The following ADCK5 variants were observed in gnomAD, a reference collection of about 807,000 sequenced individuals.
The protein encoded by ADCK5 is aarF domain containing kinase 5.
Under a neutral mutation model 64.9 loss-of-function variants are expected in ADCK5, and 43 were observed. The ratio of observed to expected loss-of-function variants is 0.66; its 90% CI spans 0.52 to 0.85. The LOEUF (loss-of-function observed/expected upper bound fraction) is 0.85, where lower values mean the gene tolerates loss of function less well. ADCK5 is among the 40% of genes least tolerant of loss of function. ADCK5 has a pLI of 0.00. For missense variants in ADCK5, 760 were observed against 810.5 expected (o/e 0.94, Z 0.76); for synonymous variants, 434 against 342.8 (o/e 1.27, Z -2.94).
At position 144,392,957 on chromosome 8, in the gene ADCK5, T is replaced by C; in HGVS notation, c.1638-12T>C. On this transcript the variant is annotated splice_polypyrimidine_tract_variant and intron_variant, in intron 14 of 14. Coordinates refer to ENST00000308860, the MANE Select transcript of ADCK5 (RefSeq NM_174922.5). Reference sequence around the variant, plus strand: ...CCCCACCCACCTGTGACCTGTGACCTGACCCACGCAGGCTGGAGACCTTGG... The same window carrying C: ...CCCCACCCACCTGTGACCTGTGACCCGACCCACGCAGGCTGGAGACCTTGG... The C allele has an allele frequency of 6.3e-7, 1 of 1,586,928 alleles. No individual in the cohort carries two copies.
rs1200101747 is a variant in ADCK5 at position 144,376,219 on chromosome 8, C to T, written c.12+2112C>T. 6.6e-6 allele frequency among the ~76,000 whole-genome samples: 1 copy of T among 152,092 alleles called. No individual in the cohort carries two copies. Among genetic ancestry groups the T allele is most frequent in the Non-Finnish European group, 1.5e-5 (1 of 68,030 alleles). On this transcript the variant is annotated intron_variant, in intron 1 of 14. Transcript: ENST00000308860. This position sits in a 1 kb window ranked among gnomAD's most constrained non-coding sequence, Gnocchi z 5.1. The stretch of plus-strand genomic sequence containing the variant: ...AGGGCCATGTGGGGTTCAATTGAGT[C>T]CTGTGCTTCACAGCTGTTGGTCTCA...
intron 1 of ADCK5, among the ~76,000 whole-genome samples, chr8:144,378,574 A>G (rs1378893200): frequency 1.3e-5 from 2 of 152,102 alleles, no homozygotes; most frequent in East Asian, 3.9e-4. Flanking sequence ...GACAGCCTGC[A>G]GAACTGTGAG....
intron 2 of ADCK5, among the ~76,000 whole-genome samples, chr8:144,382,362 A>G (rs1164718853): frequency 2.6e-5 from 4 of 152,256 alleles, no homozygotes; most frequent in Non-Finnish European, 2.9e-5. Flanking sequence ...TTCAGCATAT[A>G]TGGAGCTGCT....
chr8:144,383,317 A>G (rs1239743044), intron 3 of ADCK5, 87 bp downstream of exon 3: 6 of 1,438,250 alleles, frequency 4.2e-6, no homozygotes, highest in Non-Finnish European at 5.5e-6. Context: ...ATGCCTTCAC[A>G]GACGAGGGGC....
In ADCK5 at chr8:144,376,806, G is replaced by A. The variant is rs1819385914; in HGVS notation, c.13-2581G>A. Among the ~76,000 whole-genome samples the A allele has an allele frequency of 6.6e-6, 1 of 152,248 alleles. No homozygotes were observed. The highest frequency in any genetic ancestry group is 6.5e-5 in the Admixed American group (1 of 15,288). The stretch of plus-strand genomic sequence containing the variant: ...CTGGCACCAGAGGTGGCTAGGGTCA[G>A]GAGGTGCAGGCTGGGTAGGCAGCAG... On this transcript the variant is annotated intron_variant, in intron 1 of 14. Coordinates refer to ENST00000308860, the MANE Select transcript of ADCK5 (RefSeq NM_174922.5). The surrounding 1 kb of genome is among the most constrained non-coding windows in gnomAD (Gnocchi z 5.1).
chr8:144,383,010 G>C (rs1385226908), intron 2 of ADCK5, 71 bp from the exon 3 acceptor site: 2 of 1,543,628 alleles, frequency 1.3e-6, no homozygotes, highest in Admixed American at 2.0e-5. Flanking sequence ...TGCTGGGGGA[G>C]GTGGGGGCAG....
chr8:144,382,333 T>C (rs1453317732), intron 2 of ADCK5, among the ~76,000 whole-genome samples: 1 of 152,218 alleles, frequency 6.6e-6, no homozygotes, highest in Admixed American at 6.5e-5. Flanking sequence ...GCACTCAGCG[T>C]TATGGGTTTC....
At chr8:144,383,032 C>G in intron 2 of ADCK5, 49 bp from the exon 3 acceptor site, 1 of 1,562,100 alleles carries the variant, frequency 6.4e-7, no homozygotes. Flanking sequence ...GATCAGAGCC[C>G]AGCTGAATGT....
intron 3 of ADCK5, among the ~76,000 whole-genome samples, chr8:144,389,018 A>G (rs1191577107): frequency 6.6e-6 from 1 of 152,174 alleles, no homozygotes; most frequent in Non-Finnish European, 1.5e-5. Flanking sequence ...CTCTGACCTC[A>G]GCCCCTCCCT....
chr8:144,387,020 C>T (rs1819951867), intron 3 of ADCK5, among the ~76,000 whole-genome samples: 1 of 152,190 alleles, frequency 6.6e-6, no homozygotes, highest in South Asian at 2.1e-4. Flanking sequence ...GGGCCAAGTG[C>T]AGGGGCCTAG....
At position 144,376,857 on chromosome 8, in the gene ADCK5, G is replaced by C. The variant is rs1554857246; in HGVS notation, c.13-2530G>C. On this transcript the variant is annotated intron_variant, in intron 1 of 14. Transcript: ENST00000308860. This position sits in a 1 kb window ranked among gnomAD's most constrained non-coding sequence, Gnocchi z 5.1. ...GTGGATGGCCCGCCTACGAGTCGCT[G>C]CCCGGCTGCCTTGGGTTTTCCTTGT... is the stretch of plus-strand genomic sequence containing the variant. Among the ~76,000 whole-genome samples, 1 of 152,246 alleles carries C rather than the reference G, an allele frequency of 6.6e-6. No homozygotes were observed. The highest frequency in any genetic ancestry group is 1.5e-5 in the Non-Finnish European group (1 of 68,040).
intron 1 of ADCK5, among the ~76,000 whole-genome samples, chr8:144,377,737 C>G (rs1819426314): frequency 6.6e-6 from 1 of 152,206 alleles, no homozygotes; most frequent in South Asian, 2.1e-4. Context: ...TCTGTGGGGT[C>G]TCAGTAAGTT....
At chr8:144,382,944 G>A (rs1041983953) in intron 2 of ADCK5, 137 bp from the exon 3 acceptor site, 48 of 1,226,914 alleles carry the variant, frequency 3.9e-5, no homozygotes, top group Non-Finnish European at 5.2e-5. Context: ...CTGATGCGGT[G>A]GTGTTCTCTG....
At chr8:144,375,248 G>A (rs1346846751) in intron 1 of ADCK5, among the ~76,000 whole-genome samples, 5 of 152,220 alleles carry the variant, frequency 3.3e-5, no homozygotes, top group Non-Finnish European at 7.3e-5. Context: ...AGCAGGGCTG[G>A]GTCCAGGCGG....
chr8:144,388,323 C>T (rs1465253783), intron 3 of ADCK5, among the ~76,000 whole-genome samples: 1 of 149,096 alleles, frequency 6.7e-6, no homozygotes, highest in Non-Finnish European at 1.5e-5. Flanking sequence ...TGCCACTGCA[C>T]TCCAGTCTGG....
intron 2 of ADCK5, among the ~76,000 whole-genome samples, chr8:144,381,992 C>A (rs1198281928): frequency 2.3e-3 from 145 of 63,062 alleles, no homozygotes; most frequent in Middle Eastern, 0.015. Context: ...GTGCTCAGGC[C>A]CCTGCTGCAC....
rs531875170 is a variant in ADCK5, at chr8:144,391,977, A to G, written c.1051A>G (p.Ile351Val). The G allele has an allele frequency of 4.3e-6, 7 of 1,612,506 alleles. No homozygotes were observed. In the East Asian group the frequency reaches 1.3e-4, roughly 31 times the overall value. ...GCTCATCAAGGCCTTTGCTGAGCAG[A>G]TATTTTACACCGGCTTCATCCACTC... ...EKLIKAFAEQ[I>V]FYTGFIHSDP... Residue 351 changes from isoleucine (I) to valine (V), a missense_variant, in exon 10 of 15, where the codon ATA becomes GTA. Coordinates refer to ENST00000308860, the MANE Select transcript of ADCK5 (RefSeq NM_174922.5).
chr8:144,392,332 A>C lies in ADCK5; in HGVS notation c.1254A>C (p.Ala418=). 6.9e-6 allele frequency: 5 copies of C among 727,566 alleles called. No homozygotes were observed. The highest frequency in any genetic ancestry group is 6.0e-6 in the Non-Finnish European group (3 of 500,136). 45.1% of individuals were successfully genotyped at this position (727,566 alleles called of 1,614,324 possible). Residue 418 remains alanine, a synonymous_variant, in exon 12 of 15, where the codon GCA becomes GCC. Coordinates refer to ENST00000308860, the MANE Select transcript of ADCK5 (RefSeq NM_174922.5). ...DDAAMRAHAA[A]LGVQDYLLFA... is the part of the protein sequence containing the mutation. ...CCGCCATGAGGGCGCACGCAGCCGCACTGGGGGTGCAAGGTGAGGGCGTGC... is the reference window on the plus strand; with the variant it reads ...CCGCCATGAGGGCGCACGCAGCCGCCCTGGGGGTGCAAGGTGAGGGCGTGC...
chr8:144,387,339 C>T (rs1269548125), intron 3 of ADCK5, among the ~76,000 whole-genome samples: 6 of 152,144 alleles, frequency 3.9e-5, no homozygotes, highest in Non-Finnish European at 8.8e-5. Context: ...TTGTAATTAG[C>T]CGTATGGAGG....
Sources: allele counts gnomAD v4.1 joint callset (sites outside exome capture counted in the v4.1 genomes callset), GRCh38; gene constraint gnomAD v4.1.1; non-coding constraint Gnocchi (gnomAD v3.1); transcripts MANE v1.5; gene names NCBI Gene and HGNC (gene_info 2026-07-23, HGNC 2026-07-21).